The following FBXL20 variants were observed in gnomAD, a reference collection of about 807,000 sequenced individuals.
The protein encoded by FBXL20 is F-box and leucine rich repeat protein 20, also known as F-box/LRR-repeat protein 20.
In FBXL20, 11 loss-of-function variants were observed where a neutral mutation model predicts 64.0. The ratio of observed to expected loss-of-function variants is 0.17; its 90% CI spans 0.11 to 0.28. The LOEUF (loss-of-function observed/expected upper bound fraction) is 0.28. Ranked by LOEUF, FBXL20 falls within the 10% of genes least tolerant of loss-of-function variation. The pLI is 1.00. For missense variants in FBXL20, 303 were observed against 526.2 expected (o/e 0.58, Z 4.15); for synonymous variants, 184 against 189.0 (o/e 0.97, Z 0.22).
intron 9 of FBXL20, among the ~76,000 whole-genome samples, chr17:39,276,530 G>A (rs1036146422): frequency 5.3e-5 from 8 of 151,754 alleles, no homozygotes; most frequent in Admixed American, 1.3e-4. Context: ...TTAGCCAGGC[G>A]CAGTGGCGGA....
At chr17:39,265,180 A>G (rs889749843) in intron 13 of FBXL20, among the ~76,000 whole-genome samples, 5 of 152,234 alleles carry the variant, frequency 3.3e-5, no homozygotes, top group African/African-American at 1.2e-4. Flanking sequence ...GGCAGTTTTC[A>G]GTCTTCAAGC....
intron 2 of FBXL20, among the ~76,000 whole-genome samples, chr17:39,336,803 G>A (rs1480644840): frequency 4.7e-5 from 7 of 150,190 alleles, no homozygotes; most frequent in Non-Finnish European, 7.4e-5. Flanking sequence ...CAGCCTGGGC[G>A]ACAGTGTGAG....
At chr17:39,267,251 C>T (rs2046799704) in intron 12 of FBXL20, among the ~76,000 whole-genome samples, 1 of 151,764 alleles carries the variant, frequency 6.6e-6, no homozygotes, top group South Asian at 2.1e-4. Context: ...ACTCTGTCCT[C>T]CCCACCCCAC....
chr17:39,380,858 C>T (rs1785524857), intron 1 of FBXL20, among the ~76,000 whole-genome samples: 1 of 152,124 alleles, frequency 6.6e-6, no homozygotes, highest in South Asian at 2.1e-4. Context: ...CCATTAAAAA[C>T]TATAGAAATA....
chr17:39,343,055 T>C, intron 2 of FBXL20, 125 bp downstream of exon 2: 1 of 557,838 alleles, frequency 1.8e-6, no homozygotes, highest in Non-Finnish European at 3.0e-6. Context: ...TTCAAAGCAA[T>C]CAAATTTAAA....
chr17:39,288,949 C>G (rs1242472606), intron 6 of FBXL20, among the ~76,000 whole-genome samples: 3 of 152,128 alleles, frequency 2.0e-5, no homozygotes, highest in Non-Finnish European at 2.9e-5. Flanking sequence ...GTGATCTGCC[C>G]ACCTCGGCCT....
intron 2 of FBXL20, among the ~76,000 whole-genome samples, chr17:39,321,505 C>T (rs1357146813): frequency 2.7e-5 from 4 of 147,184 alleles, no homozygotes; most frequent in East Asian, 2.0e-4. Flanking sequence ...GGGCCAGGCA[C>T]GGTGACTCAT....
chr17:39,374,224 CAA>C (rs34005680), intron 1 of FBXL20, among the ~76,000 whole-genome samples: 1 of 148,814 alleles, frequency 6.7e-6, no homozygotes, highest in South Asian at 2.1e-4. Flanking sequence ...AACTACGTCT[CAA>C]AGAAAAAAAG....
Position 39,284,948 on chromosome 17 carries a change from G to T in FBXL20, c.494+530C>A, listed in dbSNP as rs79624924. Among the ~76,000 whole-genome samples the T allele has an allele frequency of 4.3e-3, 647 of 150,742 alleles. 6 individuals are homozygous for T. Among genetic ancestry groups the T allele is most frequent in the African/African-American group, 0.015 (604 of 41,096 alleles). On this transcript the variant is annotated intron_variant, in intron 7 of 14. Coordinates refer to ENST00000264658, the MANE Select transcript of FBXL20 (RefSeq NM_032875.3). The stretch of plus-strand genomic sequence containing the variant: ...ACGTGCCCTTTCTTTCTTTTTTTTT[G>T]TTTTTTTTGAGACAGAGTCTCACTC...
At chr17:39,266,719 C>T (rs942249473) in intron 12 of FBXL20, among the ~76,000 whole-genome samples, 3 of 152,196 alleles carry the variant, frequency 2.0e-5, no homozygotes, top group Non-Finnish European at 4.4e-5. Context: ...CAGAATCTTT[C>T]GGTTTAAATC....
chr17:39,363,928 C>T (rs1424671611), intron 1 of FBXL20, among the ~76,000 whole-genome samples: 3 of 128,540 alleles, frequency 2.3e-5, no homozygotes, highest in Middle Eastern at 5.8e-3. Context: ...CCCACTCGGT[C>T]GCCCAGGCTG....
At chr17:39,266,938 T>C (rs1029957529) in intron 12 of FBXL20, among the ~76,000 whole-genome samples, 4 of 152,138 alleles carry the variant, frequency 2.6e-5, no homozygotes, top group African/African-American at 9.7e-5. Context: ...GGAGGATTGC[T>C]TGAGGTTAGA....
chr17:39,357,275 C>CAAAA (rs34332873), intron 1 of FBXL20, among the ~76,000 whole-genome samples: 1 of 93,138 alleles, frequency 1.1e-5, no homozygotes, highest in African/African-American at 3.5e-5. Flanking sequence ...AACTCTGTCT[C>CAAAA]AAAAAAAAAA....
chr17:39,337,039 G>A (rs1224667644), intron 2 of FBXL20, among the ~76,000 whole-genome samples: 2 of 150,844 alleles, frequency 1.3e-5, no homozygotes, highest in Non-Finnish European at 2.9e-5. Context: ...ATGCTGAGCC[G>A]AAGCTGGACT....
chr17:39,267,725 T>C (rs2046804720), intron 12 of FBXL20, among the ~76,000 whole-genome samples: 2 of 152,154 alleles, frequency 1.3e-5, no homozygotes, highest in Non-Finnish European at 2.9e-5. Context: ...GAGTTTATTA[T>C]TTTCTACTAC....
chr17:39,275,165 A>G (rs2046878785), intron 9 of FBXL20, 65 bp from the exon 10 acceptor site: 1 of 1,489,344 alleles, frequency 6.7e-7, no homozygotes. Flanking sequence ...AAAGAAAAAA[A>G]TGATAGCTCT....
At chr17:39,285,377 C>T in intron 7 of FBXL20, 101 bp downstream of exon 7, 2 of 673,864 alleles carry the variant, frequency 3.0e-6, no homozygotes, top group Non-Finnish European at 4.7e-6. Flanking sequence ...AGAATATATC[C>T]ATAAAACAGA....
chr17:39,294,089 T>C (rs2047063839), intron 6 of FBXL20, among the ~76,000 whole-genome samples: 1 of 152,002 alleles, frequency 6.6e-6, no homozygotes, highest in Non-Finnish European at 1.5e-5. Flanking sequence ...AGTTTTCTAG[T>C]TGTTTACAGC....
chr17:39,350,224 C>T (rs1397037209), intron 1 of FBXL20, among the ~76,000 whole-genome samples: 1 of 152,170 alleles, frequency 6.6e-6, no homozygotes, highest in Non-Finnish European at 1.5e-5. Context: ...AAGCACCAGG[C>T]ACAGTAGCTC....
Sources: allele counts gnomAD v4.1 joint callset (sites outside exome capture counted in the v4.1 genomes callset), GRCh38; gene constraint gnomAD v4.1.1; transcripts MANE v1.5; gene names NCBI Gene and HGNC (gene_info 2026-07-23, HGNC 2026-07-21).